The following CORO1C variants were observed in gnomAD, a reference collection of about 807,000 sequenced individuals.
CORO1C encodes the protein coronin 1C.
A neutral mutation model predicts 51.2 loss-of-function variants in CORO1C; 14 were observed. The observed-to-expected ratio is 0.27, with a 90% CI of 0.18 to 0.43. The LOEUF (loss-of-function observed/expected upper bound fraction) is 0.43, where lower values mean the gene tolerates loss of function less well. Ranked by LOEUF, CORO1C falls within the 20% of genes least tolerant of loss-of-function variation. The pLI, the probability that CORO1C is intolerant of heterozygous loss-of-function variation, is 1.00. For synonymous variants in CORO1C, 181 were observed against 210.5 expected (o/e 0.86, Z 1.21); for missense variants, 417 against 607.8 (o/e 0.69, Z 3.30).
chr12:108,719,577 G>T (rs1404513000), intron 1 of CORO1C, among the ~76,000 whole-genome samples: 1 of 152,178 alleles, frequency 6.6e-6, no homozygotes, highest in East Asian at 1.9e-4. Flanking sequence ...GGGGCTCCAG[G>T]AGTCACTCAA....
intron 2 of CORO1C, among the ~76,000 whole-genome samples, chr12:108,690,384 CAG>C (rs1193780553): frequency 2.0e-5 from 3 of 152,290 alleles, no homozygotes; most frequent in African/African-American, 7.2e-5. Flanking sequence ...TATGGGCCTA[CAG>C]AGACTTCACC....
In CORO1C at chr12:108,671,033, T is replaced by TA. The variant is rs565234939; in HGVS notation, c.318+7238dup. Among the ~76,000 whole-genome samples the TA allele has an allele frequency of 1.3e-4, 19 of 141,668 alleles. No individual in the cohort carries two copies. The South Asian group carries it at 2.7e-3, about 20-fold the overall frequency. The allele number at this position is 141,668 out of a possible 152,430, so 92.9% of individuals were successfully genotyped here. A position where few individuals can be genotyped will look rare whatever the true frequency, so the allele number is the denominator to read the frequency against. On this transcript the variant is annotated intron_variant, in intron 3 of 10. Transcript: ENST00000261401. ...AATAATAAAGTCTAAAAAAAAAGAA[T>TA]AAAAAAAAAAGGTTTAGGGCCTGGC...
chr12:108,730,600 GC>G, intron 1 of CORO1C: 1 of 152,668 alleles, frequency 6.6e-6, no homozygotes. Flanking sequence ...CTCGCCAGCT[GC>G]CCCGCTATTA....
At chr12:108,683,956 T>C (rs2034212738) in intron 2 of CORO1C, among the ~76,000 whole-genome samples, 1 of 152,200 alleles carries the variant, frequency 6.6e-6, no homozygotes. Flanking sequence ...TTGAAGCCTA[T>C]ATGACTTATA....
intron 4 of CORO1C, among the ~76,000 whole-genome samples, chr12:108,660,678 C>T (rs1403839577): frequency 6.6e-6 from 1 of 152,106 alleles, no homozygotes; most frequent in Non-Finnish European, 1.5e-5. Flanking sequence ...AGAATGCAGA[C>T]CAGTCTGTTG....
chr12:108,674,839 T>C (rs145065768), intron 3 of CORO1C, among the ~76,000 whole-genome samples: 56 of 152,352 alleles, frequency 3.7e-4, no homozygotes, highest in African/African-American at 1.2e-3. Context: ...AATGTACTCC[T>C]GGTAACGACG....
intron 1 of CORO1C, among the ~76,000 whole-genome samples, chr12:108,709,987 G>A (rs552392243): frequency 1.3e-5 from 2 of 152,306 alleles, no homozygotes; most frequent in Admixed American, 1.3e-4. Flanking sequence ...ATATTTACAA[G>A]TTTCAAAATA....
intron 1 of CORO1C, among the ~76,000 whole-genome samples, chr12:108,724,054 AT>A (rs1029933257): frequency 7.9e-5 from 12 of 152,238 alleles, no homozygotes; most frequent in African/African-American, 2.9e-4. Flanking sequence ...GATATCATGT[AT>A]TTTCAAGTTT....
At chr12:108,676,507 C>T (rs890761565) in intron 3 of CORO1C, among the ~76,000 whole-genome samples, 4 of 152,038 alleles carry the variant, frequency 2.6e-5, no homozygotes, top group African/African-American at 9.7e-5. Flanking sequence ...CGCAGTGGCT[C>T]GTGCCTGTAA....
chr12:108,673,781 T>A (rs958666896), intron 3 of CORO1C, among the ~76,000 whole-genome samples: 1 of 152,052 alleles, frequency 6.6e-6, no homozygotes, highest in African/African-American at 2.4e-5. Context: ...TAATGCTAAA[T>A]GATGAGTTAA....
chr12:108,675,516 C>T (rs2033876357), intron 3 of CORO1C, among the ~76,000 whole-genome samples: 1 of 152,132 alleles, frequency 6.6e-6, no homozygotes, highest in East Asian at 1.9e-4. Flanking sequence ...TAATTTGTCA[C>T]CTTCTGAGGA....
At position 108,658,769 on chromosome 12, in the gene CORO1C, ACT is replaced by A; in HGVS notation, c.597_598del (p.Arg199SerfsTer3). On this transcript the variant is annotated frameshift_variant, in exon 5 of 11. Transcript: ENST00000261401. LOFTEE classifies it high-confidence loss of function. The surrounding 1 kb of genome is among the most constrained non-coding windows in gnomAD (Gnocchi z 4.9). The stretch of plus-strand genomic sequence containing the variant: ...AATCTCTTGTTTCCTGGGATCAATG[ACT>A]CTCACTTTCTTGTCTTTGGAAGCTG... 3 of 1,611,438 alleles carry A rather than the reference ACT, an allele frequency of 1.9e-6. No individual in the cohort carries two copies. The highest frequency in any genetic ancestry group is 1.7e-6 in the Non-Finnish European group (2 of 1,177,824).
At chr12:108,707,971 TGA>T (rs1201209799) in intron 1 of CORO1C, among the ~76,000 whole-genome samples, 1 of 152,196 alleles carries the variant, frequency 6.6e-6, no homozygotes, top group East Asian at 1.9e-4. Flanking sequence ...TAAAAAATTC[TGA>T]GAGTAACAAG....
chr12:108,654,115 A>C (rs2032818820), intron 7 of CORO1C, among the ~76,000 whole-genome samples, 191 bp downstream of exon 7: 1 of 152,244 alleles, frequency 6.6e-6, no homozygotes. Context: ...TTATCACTGC[A>C]CAACTGGCAA....
At chr12:108,720,696 T>C (rs1391334775) in intron 1 of CORO1C, among the ~76,000 whole-genome samples, 1 of 151,944 alleles carries the variant, frequency 6.6e-6, no homozygotes, top group Non-Finnish European at 1.5e-5. Flanking sequence ...GCTAATTTTT[T>C]GTATTTTTAG....
chr12:108,647,573 C>A, intron 10 of CORO1C, 51 bp from the exon 11 acceptor site: 1 of 1,360,508 alleles, frequency 7.4e-7, no homozygotes, highest in South Asian at 1.2e-5. Context: ...AAACAAAGTT[C>A]AACACTGTTC....
intron 2 of CORO1C, among the ~76,000 whole-genome samples, chr12:108,686,976 C>G (rs1030073137): frequency 2.6e-5 from 4 of 152,172 alleles, no homozygotes; most frequent in African/African-American, 9.7e-5. Context: ...GTCTTATGAG[C>G]ATGTTCCAGC....
At chr12:108,724,221 G>A (rs2035536796) in intron 1 of CORO1C, among the ~76,000 whole-genome samples, 1 of 152,186 alleles carries the variant, frequency 6.6e-6, no homozygotes, top group African/African-American at 2.4e-5. Flanking sequence ...TCCGTGAATA[G>A]GCTTGGTTTG....
intron 1 of CORO1C, among the ~76,000 whole-genome samples, chr12:108,718,949 A>G (rs1422362811): frequency 6.6e-6 from 1 of 152,202 alleles, no homozygotes; most frequent in East Asian, 1.9e-4. Context: ...TAAAATGAAA[A>G]TATCTCTAGG....
Sources: allele counts gnomAD v4.1 joint callset (sites outside exome capture counted in the v4.1 genomes callset), GRCh38; gene constraint gnomAD v4.1.1; non-coding constraint Gnocchi (gnomAD v3.1); transcripts MANE v1.5; gene names NCBI Gene and HGNC (gene_info 2026-07-23, HGNC 2026-07-21).